ATP11A: variants seen among roughly 807,000 people sequenced by gnomAD.
ATP11A encodes ATPase phospholipid transporting 11A.
ATP11A carries 81 observed loss-of-function variants against 154.4 expected under a neutral mutation model. The ratio of observed to expected loss-of-function variants is 0.52; its 90% CI spans 0.44 to 0.63. The LOEUF is 0.63. Ranked by LOEUF, ATP11A falls within the 30% of genes least tolerant of loss-of-function variation. The pLI is 0.00. For missense variants in ATP11A, 1,316 were observed against 1,474.3 expected (o/e 0.89, Z 1.76); for synonymous variants, 623 against 585.9 (o/e 1.06, Z -0.91).
chr13:112,822,678 G>T (rs898285582), intron 8 of ATP11A, among the ~76,000 whole-genome samples: 2 of 151,246 alleles, frequency 1.3e-5, no homozygotes, highest in Non-Finnish European at 2.9e-5. Flanking sequence ...CTGAGCCCAG[G>T]AGGTCAAGGC....
chr13:112,766,433 C>T (rs1166643839), intron 1 of ATP11A, among the ~76,000 whole-genome samples: 1 of 152,188 alleles, frequency 6.6e-6, no homozygotes, highest in East Asian at 1.9e-4. Context: ...CACCCAGAGG[C>T]TGTCACAGGG....
chr13:112,784,555 G>C (rs555297779), intron 1 of ATP11A, among the ~76,000 whole-genome samples: 2 of 144,738 alleles, frequency 1.4e-5, no homozygotes, highest in African/African-American at 5.2e-5. Flanking sequence ...ACAGAGTCTC[G>C]CTCTGTCCCC....
intron 17 of ATP11A, among the ~76,000 whole-genome samples, chr13:112,849,062 A>C (rs2079688706): frequency 6.6e-6 from 1 of 152,092 alleles, no homozygotes; most frequent in South Asian, 2.1e-4. Flanking sequence ...TGGTTTTATC[A>C]CCAAAAGGTG....
At chr13:112,763,558 C>T (rs1282727860) in intron 1 of ATP11A, among the ~76,000 whole-genome samples, 2 of 152,188 alleles carry the variant, frequency 1.3e-5, no homozygotes, top group East Asian at 3.9e-4. Context: ...AATCCACTTC[C>T]CTTTCCAGCT....
intron 1 of ATP11A, among the ~76,000 whole-genome samples, chr13:112,775,483 G>C (rs1258768936): frequency 6.6e-6 from 1 of 152,162 alleles, no homozygotes; most frequent in Admixed American, 6.5e-5. Context: ...TCCTCTAAAG[G>C]GGTGTTAGGT....
In ATP11A at chr13:112,857,911, G is replaced by T. The variant is rs781225364; in HGVS notation, c.2512G>T (p.Val838Leu). 9.3e-6 allele frequency: 15 copies of T among 1,614,168 alleles called. No individual in the cohort carries two copies. The highest frequency in any genetic ancestry group is 1.3e-5 in the Non-Finnish European group (15 of 1,179,988). ...NDVSMILEAHVGIGVIGKEGR... is the reference protein window; with the variant it reads ...NDVSMILEAHLGIGVIGKEGR... Reference sequence around the variant, plus strand: ...TGTCAGCATGATTCTGGAAGCGCACGTGGGCATAGGTGAGCTTCGTCCTTG... The same window carrying T: ...TGTCAGCATGATTCTGGAAGCGCACTTGGGCATAGGTGAGCTTCGTCCTTG... The change falls in exon 21 of 30, where the codon GTG becomes TTG. Residue 838 changes from valine to leucine, a missense_variant. By Grantham distance (32) the Val-to-Leu change is conservative (BLOSUM62 1). Around this residue, in one of 5 missense-constraint regions of ATP11A, gnomAD observed 876 missense variants for 1,006.8 expected, o/e 0.87. Transcript: ENST00000375645.
At chr13:112,738,329 C>T (rs750767141) in intron 1 of ATP11A, among the ~76,000 whole-genome samples, 1 of 152,020 alleles carries the variant, frequency 6.6e-6, no homozygotes, top group Non-Finnish European at 1.5e-5. Context: ...ATTGAGATCA[C>T]GCCACGGCAC....
At chr13:112,736,464 T>C (rs1891012367) in intron 1 of ATP11A, among the ~76,000 whole-genome samples, 1 of 152,202 alleles carries the variant, frequency 6.6e-6, no homozygotes, top group South Asian at 2.1e-4. Flanking sequence ...AACGAAGCGT[T>C]ATCTTACATG....
intron 2 of ATP11A, among the ~76,000 whole-genome samples, chr13:112,790,698 A>G (rs2077827884): frequency 1.3e-5 from 2 of 151,606 alleles, no homozygotes; most frequent in Non-Finnish European, 2.9e-5. Context: ...GGGTGTCCTG[A>G]TGTGTAGACT....
At chr13:112,779,751 C>G (rs2077453120) in intron 1 of ATP11A, among the ~76,000 whole-genome samples, 1 of 151,956 alleles carries the variant, frequency 6.6e-6, no homozygotes, top group Admixed American at 6.6e-5. Flanking sequence ...ACTAAAAATA[C>G]AAAATTAGCT....
intron 1 of ATP11A, among the ~76,000 whole-genome samples, chr13:112,744,803 T>A (rs75482049): frequency 0.044 from 6,691 of 152,306 alleles, 505 homozygotes; most frequent in African/African-American, 0.15. Flanking sequence ...GTTAGCCAAC[T>A]CCAGTTCAAA....
chr13:112,708,616 T>C (rs913551637), intron 1 of ATP11A, among the ~76,000 whole-genome samples: 9 of 152,240 alleles, frequency 5.9e-5, no homozygotes, highest in Non-Finnish European at 1.0e-4. Context: ...TGGGTTGATA[T>C]TGATTTCTAT....
chr13:112,736,490 A>G (rs1434017131), intron 1 of ATP11A, among the ~76,000 whole-genome samples: 1 of 152,196 alleles, frequency 6.6e-6, no homozygotes, highest in Non-Finnish European at 1.5e-5. Context: ...CACGTTCTAC[A>G]ATATAAGGGG....
chr13:112,763,437 C>T (rs947928898), intron 1 of ATP11A, among the ~76,000 whole-genome samples: 1 of 152,148 alleles, frequency 6.6e-6, no homozygotes, highest in Non-Finnish European at 1.5e-5. Flanking sequence ...CTCACATGAC[C>T]GATAGCAGGC....
At chr13:112,716,136 C>T (rs1411990531) in intron 1 of ATP11A, among the ~76,000 whole-genome samples, 1 of 152,162 alleles carries the variant, frequency 6.6e-6, no homozygotes, top group African/African-American at 2.4e-5. Context: ...GGTCCTCTGG[C>T]CTTCTGCAGA....
chr13:112,701,346 C>G (rs925797201), intron 1 of ATP11A, among the ~76,000 whole-genome samples: 1 of 152,162 alleles, frequency 6.6e-6, no homozygotes, highest in African/African-American at 2.4e-5. Context: ...GTTTGGCAGT[C>G]AAGTTGTGTT....
chr13:112,819,120 A>T (rs947313630), intron 6 of ATP11A, among the ~76,000 whole-genome samples, 184 bp from the exon 7 acceptor site: 1 of 152,226 alleles, frequency 6.6e-6, no homozygotes, highest in Non-Finnish European at 1.5e-5. Flanking sequence ...GAATGGAAGG[A>T]TGAGAATTTT....
At position 112,873,741 on chromosome 13, in the gene ATP11A, G is replaced by A. The variant is rs1207759091; in HGVS notation, c.3161+65G>A. 18 of 1,490,942 alleles carry A rather than the reference G, an allele frequency of 1.2e-5. No individual in the cohort carries two copies. The East Asian group carries it at 2.5e-4, about 21-fold the overall frequency. 92.4% of individuals were successfully genotyped at this position (1,490,942 alleles called of 1,614,324 possible). ...ATGTGGTTGTTATTTTTTTATCAAG[G>A]GTTGAAGACACATTTTCCGTGCGGC... On this transcript the variant is annotated intron_variant, in intron 27 of 29. Coordinates refer to ENST00000375645, the MANE Select transcript of ATP11A (RefSeq NM_015205.3).
At chr13:112,782,706 G>A (rs1368592557) in intron 1 of ATP11A, among the ~76,000 whole-genome samples, 3 of 152,258 alleles carry the variant, frequency 2.0e-5, no homozygotes, top group Non-Finnish European at 4.4e-5. Flanking sequence ...GTCCTCGTGG[G>A]GAGGGGCAGC....
Sources: allele counts gnomAD v4.1 joint callset (sites outside exome capture counted in the v4.1 genomes callset), GRCh38; gene constraint gnomAD v4.1.1; regional missense constraint gnomAD v4.1.1; transcripts MANE v1.5; gene names NCBI Gene and HGNC (gene_info 2026-07-23, HGNC 2026-07-21).